Variants in MAGI2 observed in about 807,000 individuals in gnomAD.
MAGI2 encodes the protein membrane-associated guanylate kinase, WW and PDZ domain-containing protein 2.
A neutral mutation model predicts 133.3 loss-of-function variants in MAGI2; 35 were observed. That is an observed-to-expected ratio of 0.26 (90% CI 0.20 to 0.35). The LOEUF (loss-of-function observed/expected upper bound fraction) is 0.35, where lower values mean the gene tolerates loss of function less well. Ranked by LOEUF, MAGI2 falls within the 10% of genes least tolerant of loss-of-function variation. MAGI2 has a pLI of 1.00. For missense variants in MAGI2, 1,636 were observed against 1,863.4 expected (o/e 0.88, Z 2.25); for synonymous variants, 729 against 710.6 (o/e 1.03, Z -0.41).
intron 1 of MAGI2, among the ~76,000 whole-genome samples, chr7:79,396,045 A>G (rs1436403966): frequency 1.3e-5 from 2 of 152,170 alleles, no homozygotes; most frequent in African/African-American, 4.8e-5. Context: ...TTGAGCCTAT[A>G]GAATCTTGAA....
At chr7:79,275,966 C>G (rs1156941956) in intron 1 of MAGI2, among the ~76,000 whole-genome samples, 1 of 152,150 alleles carries the variant, frequency 6.6e-6, no homozygotes, top group Non-Finnish European at 1.5e-5. Flanking sequence ...GACAATGCAC[C>G]TGGTCACCCA....
chr7:78,747,754 A>G (rs1823064368), intron 2 of MAGI2, among the ~76,000 whole-genome samples: 1 of 152,170 alleles, frequency 6.6e-6, no homozygotes, highest in Non-Finnish European at 1.5e-5. Flanking sequence ...GGTTGGGCAC[A>G]GAACTGAAGA....
At chr7:78,522,036 G>A (rs1796552333) in intron 3 of MAGI2, among the ~76,000 whole-genome samples, 1 of 151,944 alleles carries the variant, frequency 6.6e-6, no homozygotes, top group African/African-American at 2.4e-5. Flanking sequence ...TTTTGTAGTG[G>A]GGTAATCTCA....
chr7:79,384,719 A>C (rs944985359), intron 1 of MAGI2, among the ~76,000 whole-genome samples: 2 of 151,704 alleles, frequency 1.3e-5, no homozygotes, highest in African/African-American at 4.8e-5. Context: ...TCCATAAAGT[A>C]GTTTAAAAAT....
chr7:78,897,258 C>G (rs1473574139), intron 2 of MAGI2, among the ~76,000 whole-genome samples: 3 of 152,122 alleles, frequency 2.0e-5, no homozygotes, highest in African/African-American at 4.8e-5. Flanking sequence ...CTTTGTTTCC[C>G]AAGTTGAAGG....
intron 1 of MAGI2, among the ~76,000 whole-genome samples, chr7:79,206,919 A>G (rs1266022168): frequency 6.6e-6 from 1 of 151,974 alleles, no homozygotes; most frequent in East Asian, 1.9e-4. Context: ...AATTACGTAT[A>G]TCAACAAAGG....
intron 1 of MAGI2, among the ~76,000 whole-genome samples, chr7:79,178,464 C>T (rs1585128732): frequency 6.6e-6 from 1 of 151,886 alleles, no homozygotes; most frequent in Non-Finnish European, 1.5e-5. Flanking sequence ...GTAATCCCAG[C>T]ACTTTGGGAG....
intron 1 of MAGI2, among the ~76,000 whole-genome samples, chr7:79,122,930 G>A (rs764895123): frequency 1.2e-4 from 19 of 152,206 alleles, no homozygotes; most frequent in Non-Finnish European, 2.4e-4. Context: ...GACCTCAGGT[G>A]ATCCAATATC....
Position 78,174,669 on chromosome 7 carries a change from G to T in MAGI2, c.2403+3342C>A, listed in dbSNP as rs930937147. Among the ~76,000 whole-genome samples, 8 of 152,132 alleles carry T rather than the reference G, an allele frequency of 5.3e-5. No homozygotes were observed. The South Asian group carries it at 1.7e-3, about 32-fold the overall frequency. ...TGAGCCCCTTTGACCATACCTGATGGTTTATGCTAAGGAGATGACCCAGGA... is the reference window on the plus strand; with the variant it reads ...TGAGCCCCTTTGACCATACCTGATGTTTTATGCTAAGGAGATGACCCAGGA... On this transcript the variant is annotated intron_variant, in intron 14 of 21. Transcript: ENST00000354212.
rs1790264513 is a variant in MAGI2 at position 78,823,067 on chromosome 7, T to C, written c.418+184023A>G. 2.6e-5 allele frequency among the ~76,000 whole-genome samples: 4 copies of C among 152,140 alleles called. No homozygotes were observed. In the South Asian group the frequency reaches 8.3e-4, roughly 32 times the overall value. ...TGGAGAGCACGGTCATTTCACAAAA[T>C]GTGGCTCATTAGTTAGAATTTTTAG... On this transcript the variant is annotated intron_variant, in intron 2 of 21. Transcript: ENST00000354212.
At chr7:79,087,203 G>A (rs1816593868) in intron 1 of MAGI2, among the ~76,000 whole-genome samples, 1 of 151,752 alleles carries the variant, frequency 6.6e-6, no homozygotes, top group Non-Finnish European at 1.5e-5. Context: ...TAAGAACTTT[G>A]ACAGAATATT....
intron 7 of MAGI2, among the ~76,000 whole-genome samples, chr7:78,364,599 T>C (rs1193368274): frequency 6.6e-6 from 1 of 152,242 alleles, no homozygotes; most frequent in Non-Finnish European, 1.5e-5. Flanking sequence ...TCATTTTAAC[T>C]ACAGTTATAT....
intron 1 of MAGI2, among the ~76,000 whole-genome samples, chr7:79,021,733 T>A (rs1464221151): frequency 6.6e-6 from 1 of 152,186 alleles, no homozygotes; most frequent in Non-Finnish European, 1.5e-5. Flanking sequence ...TTTGGGCTAA[T>A]GCTGGAATGA....
chr7:79,316,804 A>G (rs1327168506), intron 1 of MAGI2, among the ~76,000 whole-genome samples: 1 of 152,132 alleles, frequency 6.6e-6, no homozygotes, highest in Non-Finnish European at 1.5e-5. Context: ...TTATATCCAC[A>G]TTTAATCCTC....
At chr7:78,861,725 T>G (rs995437092) in intron 2 of MAGI2, among the ~76,000 whole-genome samples, 1 of 152,200 alleles carries the variant, frequency 6.6e-6, no homozygotes, top group Non-Finnish European at 1.5e-5. Context: ...GGAGAATATA[T>G]GAGAAAGTAA....
intron 3 of MAGI2, among the ~76,000 whole-genome samples, chr7:78,540,770 C>A (rs1056115520): frequency 6.6e-5 from 10 of 152,236 alleles, no homozygotes; most frequent in African/African-American, 2.4e-4. Context: ...CCGGGAGTGC[C>A]TACAGGACTC....
At chr7:78,178,267 T>C (rs1826852778) in intron 13 of MAGI2, among the ~76,000 whole-genome samples, 165 bp from the exon 14 acceptor site, 1 of 152,116 alleles carries the variant, frequency 6.6e-6, no homozygotes, top group Non-Finnish European at 1.5e-5. Flanking sequence ...AGCAAAAAAG[T>C]AGGTGTTCCA....
At chr7:78,405,952 G>A (rs1334251823) in intron 6 of MAGI2, among the ~76,000 whole-genome samples, 1 of 151,894 alleles carries the variant, frequency 6.6e-6, no homozygotes, top group Non-Finnish European at 1.5e-5. Context: ...GAAATGGGGA[G>A]CTGGTGAATA....
At chr7:78,919,818 A>G (rs879284444) in intron 2 of MAGI2, among the ~76,000 whole-genome samples, 6 of 152,138 alleles carry the variant, frequency 3.9e-5, no homozygotes, top group African/African-American at 9.6e-5. Flanking sequence ...ATGCATCTTA[A>G]TGAGTAGGTT....
Sources: gnomAD v4.1 joint callset for allele counts (sites outside exome capture counted in the v4.1 genomes callset) on GRCh38, gnomAD v4.1.1 for gene constraint, MANE v1.5 for transcripts, NCBI Gene and HGNC (gene_info 2026-07-23, HGNC 2026-07-21) for gene names.